NKD1: variants seen among roughly 807,000 people sequenced by gnomAD.
NKD1 encodes the protein NKD inhibitor of Wnt signaling pathway 1, also known as protein naked cuticle homolog 1.
Under a neutral mutation model 56.0 loss-of-function variants are expected in NKD1, and 21 were observed. The observed-to-expected ratio is 0.38, with a 90% CI of 0.27 to 0.54. The LOEUF (loss-of-function observed/expected upper bound fraction) is 0.54, where lower values mean the gene tolerates loss of function less well. NKD1 is among the 20% of genes least tolerant of loss of function. The pLI, the probability that NKD1 is intolerant of heterozygous loss-of-function variation, is 0.82. For missense variants in NKD1, 578 were observed against 642.7 expected (o/e 0.90, Z 1.09); for synonymous variants, 263 against 265.7 (o/e 0.99, Z 0.10).
intron 3 of NKD1, chr16:50,570,976 T>C: frequency 1.0e-6 from 1 of 985,406 alleles, no homozygotes; most frequent in Non-Finnish European, 1.2e-6. Context: ...GCTGGTGGTA[T>C]CCTTCACTGG....
At chr16:50,592,809 C>T (rs1004812397) in intron 3 of NKD1, among the ~76,000 whole-genome samples, 2 of 151,168 alleles carry the variant, frequency 1.3e-5, no homozygotes, top group Admixed American at 1.3e-4. Flanking sequence ...AAGGCATGGG[C>T]TGTGGGGGAG....
chr16:50,617,578 A>G (rs1380537124), intron 4 of NKD1, among the ~76,000 whole-genome samples: 6 of 152,088 alleles, frequency 3.9e-5, no homozygotes, highest in African/African-American at 1.4e-4. Context: ...TAATGGGGAG[A>G]GAACCGTCAT....
At chr16:50,603,252 C>T (rs917168088) in intron 3 of NKD1, among the ~76,000 whole-genome samples, 1 of 152,296 alleles carries the variant, frequency 6.6e-6, no homozygotes, top group East Asian at 1.9e-4. Flanking sequence ...GCCTGGGCGT[C>T]CCGACTGCCA....
intron 3 of NKD1, among the ~76,000 whole-genome samples, chr16:50,585,447 G>T (rs959213652): frequency 6.6e-6 from 1 of 152,238 alleles, no homozygotes; most frequent in African/African-American, 2.4e-5. Context: ...CTGAGAGGCT[G>T]CTTTGGACGT....
At chr16:50,563,148 G>A (rs543817300) in intron 3 of NKD1, among the ~76,000 whole-genome samples, 1 of 152,356 alleles carries the variant, frequency 6.6e-6, no homozygotes, top group East Asian at 1.9e-4. Flanking sequence ...CTCAGAGACT[G>A]CCTAAATTTT....
At position 50,640,851 on chromosome 16, in the gene NKD1, A is replaced by G. The variant is rs1303517649; in HGVS notation, c.*7070A>G. 6.6e-6 allele frequency: 1 copy of G among 151,082 alleles called. No individual in the cohort carries two copies. Among genetic ancestry groups the G allele is most frequent in the Admixed American group, 6.6e-5 (1 of 15,164 alleles). 9.4% of individuals were successfully genotyped at this position (151,082 alleles called of 1,614,324 possible). ...CCAAAAGAAGTTAAAAAGAAAAAAA[A>G]AACAACCTCATTATGTTGTCTTTGT... is the stretch of plus-strand genomic sequence containing the variant. On this transcript the variant is annotated 3_prime_UTR_variant, in exon 10 of 10. Coordinates refer to ENST00000268459, the MANE Select transcript of NKD1 (RefSeq NM_033119.5).
intron 3 of NKD1, among the ~76,000 whole-genome samples, chr16:50,601,181 C>T (rs910199163): frequency 4.6e-5 from 7 of 152,152 alleles, no homozygotes; most frequent in East Asian, 1.9e-4. Context: ...CAGGGGCCCG[C>T]GATACAGCAG....
At chr16:50,549,268 G>A (rs889014649) in intron 2 of NKD1, among the ~76,000 whole-genome samples, 154 bp from the exon 3 acceptor site, 1 of 150,222 alleles carries the variant, frequency 6.7e-6, no homozygotes, top group African/African-American at 2.5e-5. Context: ...ACTTACCCGC[G>A]TCCCTCTCTT....
intron 3 of NKD1, chr16:50,606,875 T>A (rs1567347165): frequency 2.2e-6 from 1 of 456,684 alleles, no homozygotes; most frequent in Non-Finnish European, 4.4e-6. Context: ...AAGATGGGCT[T>A]CAATTGGCTG....
chr16:50,554,008 G>A (rs1184864102), intron 3 of NKD1: 1 of 152,444 alleles, frequency 6.6e-6, no homozygotes, highest in Non-Finnish European at 1.5e-5. Context: ...GCGGCCATGG[G>A]TGTCATCTTC....
In NKD1 at chr16:50,623,907, C is replaced by A. The variant is rs937491962; in HGVS notation, c.367-1578C>A. On this transcript the variant is annotated intron_variant, in intron 5 of 9. Transcript: ENST00000268459. The surrounding 1 kb of genome is among the most constrained non-coding windows in gnomAD (Gnocchi z 4.1). ...AGGCACGTGTGTCATGCCACATGAA[C>A]AGTGCCTCAGAGAGCAATGAGGGCC... Among the ~76,000 whole-genome samples the A allele has an allele frequency of 1.3e-5, 2 of 151,930 alleles. No individual in the cohort carries two copies. Among genetic ancestry groups the A allele is most frequent in the African/African-American group, 4.8e-5 (2 of 41,336 alleles).
In NKD1 at chr16:50,630,194, C is replaced by T; in HGVS notation, c.471C>T (p.Thr157=). The change falls in exon 7 of 10, where the codon ACC becomes ACT. Residue 157 remains threonine, a synonymous_variant. Transcript: ENST00000268459. The part of the protein sequence containing the change: ...NNGKVTREDI[T]SLLHTIYEVV... ...GCTTCCCTCCCATTCAGGACATCAC[C>T]AGCTTGCTGCACACCATCTATGAGG... is the stretch of plus-strand genomic sequence containing the variant. The T allele has an allele frequency of 1.9e-6, 3 of 1,614,010 alleles. 1 individual carries two copies. The South Asian group carries it at 3.3e-5, about 18-fold the overall frequency.
chr16:50,584,611 G>T (rs372491438), intron 3 of NKD1, among the ~76,000 whole-genome samples: 70 of 152,310 alleles, frequency 4.6e-4, no homozygotes, highest in Non-Finnish European at 8.1e-4. Flanking sequence ...TTGAAAAGGG[G>T]ATAAATGTAA....
chr16:50,632,218 C>A lies in NKD1; in HGVS notation c.696-63C>A. The stretch of plus-strand genomic sequence containing the variant: ...GTTCATTCTGGGGGCTTCCTAGTAG[C>A]CTATGCGCTTGCCCCCACCTGGTGG... On this transcript the variant is annotated intron_variant, in intron 8 of 9. Transcript: ENST00000268459. This position sits in a 1 kb window ranked among gnomAD's most constrained non-coding sequence, Gnocchi z 4.1. The A allele has an allele frequency of 1.9e-6, 3 of 1,562,082 alleles. No individual in the cohort carries two copies. The highest frequency in any genetic ancestry group is 2.2e-5 in the East Asian group (1 of 44,504).
intron 3 of NKD1, among the ~76,000 whole-genome samples, chr16:50,554,375 C>G (rs1960454990): frequency 6.6e-6 from 1 of 151,944 alleles, no homozygotes; most frequent in South Asian, 2.1e-4. Flanking sequence ...TCAAACTGTC[C>G]CCGCGAGGGC....
intron 3 of NKD1, among the ~76,000 whole-genome samples, chr16:50,576,807 T>C (rs532785818): frequency 1.3e-5 from 2 of 151,882 alleles, no homozygotes; most frequent in East Asian, 3.9e-4. Context: ...AAGAAAGTTA[T>C]TTACCAAGTA....
rs1962519282 is a variant in NKD1, at chr16:50,638,635, C to T, written c.*4854C>T. 1 of 152,268 alleles carries T rather than the reference C, an allele frequency of 6.6e-6. No individual in the cohort carries two copies. The highest frequency in any genetic ancestry group is 1.5e-5 in the Non-Finnish European group (1 of 68,064). 9.4% of individuals were successfully genotyped at this position (152,268 alleles called of 1,614,324 possible). A position where few individuals can be genotyped will look rare whatever the true frequency, so the allele number is the denominator to read the frequency against. ...GGGGCTCTGATCTGATGTTCGGTCTCATCATCTCCCAAACCAGCAGTCGTT... is the reference window on the plus strand; with the variant it reads ...GGGGCTCTGATCTGATGTTCGGTCTTATCATCTCCCAAACCAGCAGTCGTT... On this transcript the variant is annotated 3_prime_UTR_variant, in exon 10 of 10. Coordinates refer to ENST00000268459, the MANE Select transcript of NKD1 (RefSeq NM_033119.5).
intron 5 of NKD1, among the ~76,000 whole-genome samples, chr16:50,624,539 C>T (rs1311550549): frequency 3.9e-5 from 6 of 152,232 alleles, no homozygotes; most frequent in African/African-American, 1.4e-4. Context: ...CCAGCATTTA[C>T]CCTCCACTTC....
intron 3 of NKD1, among the ~76,000 whole-genome samples, chr16:50,554,779 C>T (rs893921274): frequency 3.9e-5 from 6 of 152,018 alleles, no homozygotes; most frequent in Admixed American, 1.3e-4. Context: ...CCACTGTGTC[C>T]GGCTAATTCA....
Sources: gnomAD v4.1 joint callset for allele counts (sites outside exome capture counted in the v4.1 genomes callset) on GRCh38, gnomAD v4.1.1 for gene constraint, Gnocchi (gnomAD v3.1) non-coding constraint, MANE v1.5 for transcripts, NCBI Gene and HGNC (gene_info 2026-07-23, HGNC 2026-07-21) for gene names.